The following CYP3A5 variants were observed in gnomAD, a reference collection of about 807,000 sequenced individuals.
CYP3A5 encodes the protein cytochrome P450 family 3 subfamily A member 5.
Under a neutral mutation model 55.9 loss-of-function variants are expected in CYP3A5, and 51 were observed. The ratio of observed to expected loss-of-function variants is 0.91; its 90% CI spans 0.73 to 1.15. The LOEUF (loss-of-function observed/expected upper bound fraction) is 1.15. CYP3A5 is among the 50% of genes most tolerant of loss of function. The probability of loss-of-function intolerance (pLI) is 0.00; values close to 1 mark genes in which losing one functional copy is unlikely to be tolerated. For synonymous variants in CYP3A5, 196 were observed against 213.9 expected, an observed-to-expected ratio of 0.92 and a Z score of 0.73; for missense variants, 533 against 596.6, an observed-to-expected ratio of 0.89 and a Z score of 1.11.
chr7:99,662,975 T>C lies in CYP3A5; in HGVS notation c.799-93A>G. 1 of 1,565,848 alleles carries C rather than the reference T, an allele frequency of 6.4e-7. No individual in the cohort carries two copies. On this transcript the variant is annotated intron_variant, in intron 8 of 12. Transcript: ENST00000222982. The surrounding 1 kb of genome is among the most constrained non-coding windows in gnomAD (Gnocchi z 4.3). ...CAGTCCTCAACCTCCCTTCTTGACTTCCCTCCCTCAACCTCCCTATGGCTT... is the reference window on the plus strand; with the variant it reads ...CAGTCCTCAACCTCCCTTCTTGACTCCCCTCCCTCAACCTCCCTATGGCTT...
At chr7:99,659,669 A>C (rs1174292551) in intron 10 of CYP3A5, 4 of 152,720 alleles carry the variant, frequency 2.6e-5, no homozygotes, top group East Asian at 1.9e-4. Context: ...CTCTGCCCCT[A>C]GAGGTGGAGT....
chr7:99,648,415 C>A lies in CYP3A5; in HGVS notation c.1414-15G>T, dbSNP rs762499064. The A allele has an allele frequency of 1.3e-6, 2 of 1,529,716 alleles. No individual in the cohort carries two copies. The highest frequency in any genetic ancestry group is 1.4e-5 in the African/African-American group (1 of 72,324). The allele number at this position is 1,529,716 out of a possible 1,614,324, so 94.8% of individuals were successfully genotyped here. On this transcript the variant is annotated splice_polypyrimidine_tract_variant and intron_variant, in intron 12 of 12. Transcript: ENST00000222982. ...TTCAAGGGGATCTACAATAGTTAAA[C>A]AAGCATATGGAGAATTAATAAATGA...
At chr7:99,675,658 C>CCA (rs1812186040) in intron 2 of CYP3A5, among the ~76,000 whole-genome samples, 3 of 5,066 alleles carry the variant, frequency 5.9e-4, no homozygotes, top group Non-Finnish European at 1.5e-3. Flanking sequence ...CCTCCCCTCC[C>CCA]CTCCCCTCCC....
chr7:99,651,148 G>C (rs1809145694), intron 11 of CYP3A5, among the ~76,000 whole-genome samples: 1 of 152,154 alleles, frequency 6.6e-6, no homozygotes, highest in Non-Finnish European at 1.5e-5. Context: ...AGCTAACATG[G>C]ATTGATGGCT....
chr7:99,676,364 A>G (rs1563004503), intron 1 of CYP3A5, 156 bp from the exon 2 acceptor site: 1 of 1,533,624 alleles, frequency 6.5e-7, no homozygotes, highest in East Asian at 2.5e-5. Context: ...GCATTCACTC[A>G]TCAGGTCCTT....
chr7:99,656,532 C>A (rs1809755615), intron 10 of CYP3A5, among the ~76,000 whole-genome samples: 1 of 152,146 alleles, frequency 6.6e-6, no homozygotes, highest in African/African-American at 2.4e-5. Flanking sequence ...GGATATTGGT[C>A]TAAAATTCTC....
chr7:99,654,054 GCTT>G lies in CYP3A5; in HGVS notation c.1027-1278_1027-1276del, dbSNP rs371548325. Among the ~76,000 whole-genome samples, 720 of 152,114 alleles carry G rather than the reference GCTT, an allele frequency of 4.7e-3. 3 individuals are homozygous for G. Among genetic ancestry groups the G allele is most frequent in the African/African-American group, 0.016 (678 of 41,448 alleles). ...CTATCCAGTCTTGTGAGCAATAAATGCTTCTCATTAGATGCCACTGAGGTTTTT... is the reference window on the plus strand; with the variant it reads ...CTATCCAGTCTTGTGAGCAATAAATGCTCATTAGATGCCACTGAGGTTTTT... On this transcript the variant is annotated intron_variant, in intron 10 of 12. Transcript: ENST00000222982.
At chr7:99,668,047 T>C (rs1811210549) in intron 4 of CYP3A5, among the ~76,000 whole-genome samples, 1 of 152,172 alleles carries the variant, frequency 6.6e-6, no homozygotes, top group Non-Finnish European at 1.5e-5. Flanking sequence ...TCAAGGAATA[T>C]ACAAAAAAAT....
chr7:99,665,124 A>G, intron 7 of CYP3A5, 42 bp downstream of exon 7: 1 of 1,469,350 alleles, frequency 6.8e-7, no homozygotes, highest in Non-Finnish European at 9.4e-7. Flanking sequence ...TCAAGAAAGC[A>G]GTTATTTTTA....
rs1327876717 is a variant in CYP3A5, at chr7:99,666,804, G to A, written c.433-115C>T. The A allele has an allele frequency of 1.9e-6, 3 of 1,589,202 alleles. No individual in the cohort carries two copies. In the South Asian group the frequency reaches 3.4e-5, roughly 18 times the overall value. ...GACATTTTGTAATGAATTTTGTGAT[G>A]TCTTTTCTGTACATAAAGATAAAAG... On this transcript the variant is annotated intron_variant, in intron 5 of 12. Transcript: ENST00000222982.
At chr7:99,677,207 T>A in intron 1 of CYP3A5, 1 of 985,402 alleles carries the variant, frequency 1.0e-6, no homozygotes, top group Non-Finnish European at 1.2e-6. Flanking sequence ...CTTGCAGACC[T>A]TCCCCCTCCG....
chr7:99,669,267 G>A lies in CYP3A5; in HGVS notation c.319-2202C>T, dbSNP rs115478513. On this transcript the variant is annotated intron_variant, in intron 4 of 12. Transcript: ENST00000222982. Reference sequence around the variant, plus strand: ...CAGTTTTCAAAGACTACAATTTGAAGAGGCATTATATGCAAAAACGTGCTG... The same window carrying A: ...CAGTTTTCAAAGACTACAATTTGAAAAGGCATTATATGCAAAAACGTGCTG... 3.2e-3 allele frequency among the ~76,000 whole-genome samples: 486 copies of A among 152,228 alleles called. 1 individual carries two copies. The highest frequency in any genetic ancestry group is 0.011 in the African/African-American group (473 of 41,544).
At chr7:99,676,086 A>C (rs750402113) in intron 2 of CYP3A5, 29 bp downstream of exon 2, 1 of 1,587,758 alleles carries the variant, frequency 6.3e-7, no homozygotes, top group Admixed American at 1.7e-5. Flanking sequence ...CAACCATAAG[A>C]AGCAAAAGAG....
At chr7:99,661,864 T>C (rs538953888) in intron 9 of CYP3A5, among the ~76,000 whole-genome samples, 2 of 152,348 alleles carry the variant, frequency 1.3e-5, no homozygotes, top group East Asian at 3.9e-4. Context: ...ACTATCCACA[T>C]GTGGCTATTT....
intron 3 of CYP3A5, among the ~76,000 whole-genome samples, chr7:99,673,687 T>G (rs1170750647): frequency 6.6e-6 from 1 of 152,184 alleles, no homozygotes. Flanking sequence ...TGAAGGAGTT[T>G]TGGCTTTTAA....
intron 1 of CYP3A5, chr7:99,676,691 C>A (rs939470428): frequency 8.8e-6 from 5 of 570,868 alleles, no homozygotes; most frequent in Non-Finnish European, 1.6e-5. Flanking sequence ...ACTGCCCTTA[C>A]AATTTGCTCA....
In CYP3A5 at chr7:99,672,045, G is replaced by T. The variant is rs1281010909; in HGVS notation, c.318+535C>A. On this transcript the variant is annotated intron_variant, in intron 4 of 12. Transcript: ENST00000222982. ...AAGTTATTGCAGTTTGCCGGTTTTT[G>T]TTGTTGTTGTTGTTGTTGTTGTTTG... Among the ~76,000 whole-genome samples, 6 of 151,564 alleles carry T rather than the reference G, an allele frequency of 4.0e-5. No homozygotes were observed. In the South Asian group the frequency reaches 6.3e-4, roughly 16 times the overall value.
chr7:99,676,394 C>A (rs759288392), intron 1 of CYP3A5, 186 bp from the exon 2 acceptor site: 1 of 1,514,552 alleles, frequency 6.6e-7, no homozygotes, highest in Non-Finnish European at 8.9e-7. Flanking sequence ...TTCTGAGACC[C>A]CTGAAAAGTC....
chr7:99,671,605 G>T (rs1014492491), intron 4 of CYP3A5: 19 of 477,696 alleles, frequency 4.0e-5, no homozygotes, highest in African/African-American at 3.7e-4. Context: ...GGGTAATAGA[G>T]TTACATTTTG....
Sources: gnomAD v4.1 joint callset for allele counts (sites outside exome capture counted in the v4.1 genomes callset) on GRCh38, gnomAD v4.1.1 for gene constraint, Gnocchi (gnomAD v3.1) non-coding constraint, MANE v1.5 for transcripts, NCBI Gene and HGNC (gene_info 2026-07-23, HGNC 2026-07-21) for gene names.